The following GPR55 variants were observed in gnomAD, a reference collection of about 807,000 sequenced individuals.
GPR55 encodes the protein G-protein coupled receptor 55.
In GPR55, 6 loss-of-function variants were observed where a neutral mutation model predicts 7.9. The observed-to-expected ratio is 0.76, with a 90% CI of 0.41 to 1.49. The LOEUF is 1.49. GPR55 is among the 40% of genes most tolerant of loss of function. The pLI is 0.01. For missense variants in GPR55, 376 were observed against 406.0 expected, an observed-to-expected ratio of 0.93 and a Z score of 0.63; for synonymous variants, 183 against 166.8, an observed-to-expected ratio of 1.10 and a Z score of -0.75.
intron 1 of GPR55, among the ~76,000 whole-genome samples, chr2:230,916,877 A>G (rs957365421): frequency 2.0e-5 from 3 of 152,234 alleles, no homozygotes; most frequent in Admixed American, 2.0e-4. Context: ...CATAGAAATT[A>G]CAACAATAAG....
chr2:230,942,979 C>G (rs892709303), intron 1 of GPR55, among the ~76,000 whole-genome samples: 1 of 151,624 alleles, frequency 6.6e-6, no homozygotes, highest in Admixed American at 6.6e-5. Context: ...CTTCTGTTCC[C>G]CTAGGATTTG....
chr2:230,941,073 C>T (rs563450936), intron 1 of GPR55, among the ~76,000 whole-genome samples: 3,689 of 151,988 alleles, frequency 0.024, 137 homozygotes, highest in African/African-American at 0.085. Context: ...GCCAAGATGG[C>T]ACCACTGCAC....
intron 1 of GPR55, among the ~76,000 whole-genome samples, chr2:230,914,439 T>C (rs1690663497): frequency 6.6e-6 from 1 of 152,212 alleles, no homozygotes; most frequent in Admixed American, 6.5e-5. Flanking sequence ...TGCCGGCTAA[T>C]GGCAGAGTGA....
intron 1 of GPR55, among the ~76,000 whole-genome samples, chr2:230,939,175 C>A (rs868542054): frequency 6.6e-6 from 1 of 152,202 alleles, no homozygotes; most frequent in Non-Finnish European, 1.5e-5. Context: ...AGCTTTGCCC[C>A]CAGCAGGCAG....
At chr2:230,931,758 G>A (rs561003360) in intron 1 of GPR55, among the ~76,000 whole-genome samples, 3 of 152,044 alleles carry the variant, frequency 2.0e-5, no homozygotes, top group East Asian at 3.9e-4. Context: ...GAGAGCATGC[G>A]GGGCCCCTCT....
Position 230,910,524 on chromosome 2 carries a change from C to A in GPR55, c.439G>T (p.Val147Phe), listed in dbSNP as rs1177957088. The A allele has an allele frequency of 6.2e-7, 1 of 1,614,026 alleles. No homozygotes were observed. The highest frequency in any genetic ancestry group is 8.5e-7 in the Non-Finnish European group (1 of 1,180,000). ...GGGATGCTTCCGGTCCACACCAGGA[C>A]CCAGATGGTGCAGCAGATCCCAAAG... ...KIFGICCTIW[V>F]LVWTGSIPIY... The change falls in exon 2 of 2, where the codon GTC becomes TTC. Residue 147 changes from valine (V) to phenylalanine (F), a missense_variant. Transcript: ENST00000650999. The surrounding 1 kb of genome is among the most constrained non-coding windows in gnomAD (Gnocchi z 5.4).
chr2:230,917,747 C>T (rs1253187246), intron 1 of GPR55, among the ~76,000 whole-genome samples: 1 of 151,912 alleles, frequency 6.6e-6, no homozygotes, highest in African/African-American at 2.4e-5. Flanking sequence ...TCCAGGAGGT[C>T]GAGGCTGCAG....
At chr2:230,937,216 A>T (rs898403411) in intron 1 of GPR55, among the ~76,000 whole-genome samples, 1 of 151,974 alleles carries the variant, frequency 6.6e-6, no homozygotes, top group African/African-American at 2.4e-5. Context: ...TACCTGGTCA[A>T]CAACATAGTA....
intron 1 of GPR55, among the ~76,000 whole-genome samples, chr2:230,938,677 G>A (rs1269024409): frequency 2.6e-5 from 4 of 152,212 alleles, no homozygotes; most frequent in Non-Finnish European, 5.9e-5. Context: ...CTGGAGCAGC[G>A]GGCAGGGCAA....
At chr2:230,919,851 T>C (rs1326756286) in intron 1 of GPR55, among the ~76,000 whole-genome samples, 2 of 152,138 alleles carry the variant, frequency 1.3e-5, no homozygotes, top group Non-Finnish European at 2.9e-5. Context: ...GTAAATTTAC[T>C]CAATGGAAAA....
In GPR55 at chr2:230,937,920, G is replaced by A. The variant is rs147561491; in HGVS notation, c.-135+22855C>T. ...TTGTAATCCTCACATTTTGGGAGGC[G>A]GAGGCAGGAGGATTACTTGAGCTCA... On this transcript the variant is annotated intron_variant, in intron 1 of 1. Coordinates refer to the GPR55 transcript ENST00000392039. 4.8e-4 allele frequency among the ~76,000 whole-genome samples: 73 copies of A among 151,988 alleles called. No individual in the cohort carries two copies. The East Asian group carries it at 6.6e-3, about 14-fold the overall frequency.
At chr2:230,943,382 C>T (rs552654123) in intron 1 of GPR55, among the ~76,000 whole-genome samples, 5 of 152,316 alleles carry the variant, frequency 3.3e-5, no homozygotes, top group Non-Finnish European at 7.3e-5. Flanking sequence ...CCAGCCCCTC[C>T]GTGGAGGGCC....
intron 1 of GPR55, chr2:230,957,745 T>G: frequency 1.8e-6 from 1 of 551,872 alleles, no homozygotes; most frequent in Non-Finnish European, 3.7e-6. Context: ...TTTTTTTTTG[T>G]TAACTAGTAG....
intron 1 of GPR55, among the ~76,000 whole-genome samples, chr2:230,934,033 A>G (rs764820543): frequency 2.6e-5 from 4 of 151,942 alleles, no homozygotes; most frequent in Admixed American, 6.5e-5. Flanking sequence ...CCTCGCCTCT[A>G]TTGTCACCTG....
At chr2:230,916,315 A>G (rs1690714545) in intron 1 of GPR55, among the ~76,000 whole-genome samples, 1 of 152,068 alleles carries the variant, frequency 6.6e-6, no homozygotes, top group African/African-American at 2.4e-5. Context: ...TGAGCCCAGG[A>G]GTTTGAGACC....
At chr2:230,915,383 C>T (rs139230744) in intron 1 of GPR55, among the ~76,000 whole-genome samples, 17 of 152,194 alleles carry the variant, frequency 1.1e-4, no homozygotes, top group Non-Finnish European at 1.6e-4. Context: ...TTCTACCATC[C>T]GCAGCAGGGA....
chr2:230,911,849 G>A (rs542532644), intron 1 of GPR55, among the ~76,000 whole-genome samples: 4 of 152,316 alleles, frequency 2.6e-5, no homozygotes, highest in African/African-American at 9.6e-5. Context: ...GGAGGACCAA[G>A]GCTGCAGGTG....
intron 1 of GPR55, among the ~76,000 whole-genome samples, chr2:230,959,459 A>AG (rs1691536980): frequency 6.6e-6 from 1 of 152,176 alleles, no homozygotes; most frequent in South Asian, 2.1e-4. Flanking sequence ...AAAAAAAAAA[A>AG]AGTTGCTTTA....
chr2:230,938,688 G>C (rs1015060676), intron 1 of GPR55, among the ~76,000 whole-genome samples: 1 of 152,348 alleles, frequency 6.6e-6, no homozygotes, highest in African/African-American at 2.4e-5. Flanking sequence ...GGCAGGGCAA[G>C]GCTGGAGGAG....
Sources: gnomAD v4.1 joint callset for allele counts (sites outside exome capture counted in the v4.1 genomes callset) on GRCh38, gnomAD v4.1.1 for gene constraint, Gnocchi (gnomAD v3.1) non-coding constraint, MANE v1.5 for transcripts, NCBI Gene and HGNC (gene_info 2026-07-23, HGNC 2026-07-21) for gene names.